The following HERC1 variants were observed in gnomAD, a reference collection of about 807,000 sequenced individuals.
HERC1 encodes probable E3 ubiquitin-protein ligase HERC1.
In HERC1, 160 loss-of-function variants were observed where a neutral mutation model predicts 554.3. The observed-to-expected ratio is 0.29, with a 90% confidence interval of 0.25 to 0.33. HERC1 has a LOEUF of 0.33. Among genes scored for constraint, HERC1 ranks in the 10% least tolerant of loss-of-function variants. HERC1 has a pLI of 1.00. For synonymous variants in HERC1, 2,175 were observed against 2,131.7 expected (o/e 1.02, Z -0.56); for missense variants, 4,919 against 5,918.5 (o/e 0.83, Z 5.54).
chr15:63,812,521 G>C (rs1234399201), intron 1 of HERC1, among the ~76,000 whole-genome samples: 1 of 152,082 alleles, frequency 6.6e-6, no homozygotes, highest in Non-Finnish European at 1.5e-5. Context: ...AAAGGAAATG[G>C]GAAGTTTCTC....
At chr15:63,616,256 T>TATC (rs1309597965) in intron 75 of HERC1, among the ~76,000 whole-genome samples, 174 bp downstream of exon 75, 1 of 110,864 alleles carries the variant, frequency 9.0e-6, no homozygotes, top group Admixed American at 8.8e-5. Context: ...CCTGCTCTAT[T>TATC]AGAAGCTGTT....
intron 17 of HERC1, among the ~76,000 whole-genome samples, chr15:63,726,498 AG>A (rs1342423324): frequency 6.6e-6 from 1 of 152,248 alleles, no homozygotes; most frequent in Non-Finnish European, 1.5e-5. Flanking sequence ...TTCAAAAAAT[AG>A]GAATAAACAG....
At chr15:63,679,114 G>A (rs1483180610) in intron 36 of HERC1, among the ~76,000 whole-genome samples, 2 of 152,130 alleles carry the variant, frequency 1.3e-5, no homozygotes, top group Non-Finnish European at 2.9e-5. Flanking sequence ...CATAGTCTAA[G>A]TCTGAATGAA....
chr15:63,717,490 T>A (rs950925537), intron 21 of HERC1, among the ~76,000 whole-genome samples: 1 of 152,242 alleles, frequency 6.6e-6, no homozygotes, highest in Non-Finnish European at 1.5e-5. Context: ...ACGATCATGT[T>A]ATCAAGATTA....
intron 1 of HERC1, among the ~76,000 whole-genome samples, chr15:63,820,408 G>C (rs2077646564): frequency 6.6e-6 from 1 of 152,076 alleles, no homozygotes; most frequent in South Asian, 2.1e-4. Context: ...TCATAAAAAA[G>C]ATAACGGCCC....
chr15:63,735,246 G>A (rs900116769), intron 12 of HERC1, among the ~76,000 whole-genome samples: 5 of 152,018 alleles, frequency 3.3e-5, no homozygotes, highest in African/African-American at 1.2e-4. Context: ...AAGTAAAAGG[G>A]TGCAGGAACT....
rs1220043639 is a variant in HERC1 at position 63,829,561 on chromosome 15, G to GTGTGTGTATATA, written c.-27+4265_-27+4266insTATATACACACA. On this transcript the variant is annotated intron_variant, in intron 1 of 77. Coordinates refer to ENST00000443617, the MANE Select transcript of HERC1 (RefSeq NM_003922.4). The stretch of plus-strand genomic sequence containing the variant: ...TATATGTATGTGTGTGTGTGTGTGT[G>GTGTGTGTATATA]TATATATATATATATATATATATAT... 2.4e-3 allele frequency among the ~76,000 whole-genome samples: 193 copies of GTGTGTGTATATA among 81,682 alleles called. 2 individuals are homozygous for GTGTGTGTATATA. The highest frequency in any genetic ancestry group is 8.8e-3 in the East Asian group (33 of 3,746). The allele number at this position is 81,682 out of a possible 152,430, so 53.6% of individuals were successfully genotyped here. A position where few individuals can be genotyped will look rare whatever the true frequency, so the allele number is the denominator to read the frequency against.
In HERC1 at chr15:63,674,924, A is replaced by T; in HGVS notation, c.7264T>A (p.Ser2422Thr). ...KRHEKKHRHE[S>T]EEKGDVEQKP... Reference sequence around the variant, plus strand: ...TGCTCAACATCCCCTTTCTCCTCGGATTCATGTCGGTGTTTCTTTTCATGT... The same window carrying T: ...TGCTCAACATCCCCTTTCTCCTCGGTTTCATGTCGGTGTTTCTTTTCATGT... The change falls in exon 38 of 78, where the codon TCC becomes ACC. Residue 2422 changes from serine to threonine, a missense_variant. Coordinates refer to ENST00000443617, the MANE Select transcript of HERC1 (RefSeq NM_003922.4). The T allele has an allele frequency of 6.2e-7, 1 of 1,613,946 alleles. No individual in the cohort carries two copies. Among genetic ancestry groups the T allele is most frequent in the Non-Finnish European group, 8.5e-7 (1 of 1,179,890 alleles).
In HERC1 at chr15:63,659,793, C is replaced by T. The variant is rs1198259006; in HGVS notation, c.9367G>A (p.Ala3123Thr). ...GTGGCTGTGACCATTGCTACTGATGCTCCCAGTGGATCGCTGTCAGGGAAC... is the reference window on the plus strand; with the variant it reads ...GTGGCTGTGACCATTGCTACTGATGTTCCCAGTGGATCGCTGTCAGGGAAC... ...VQFPDSDPLG[A>T]SVAMVTATNS... is the part of the protein sequence containing the mutation. The change falls in exon 47 of 78, where the codon GCA becomes ACA. Residue 3123 changes from alanine to threonine, a missense_variant. Around this residue, in one of 11 missense-constraint regions of HERC1, gnomAD observed 1,963 missense variants for 2,228.6 expected, o/e 0.88. Transcript: ENST00000443617. 2.5e-6 allele frequency: 4 copies of T among 1,613,792 alleles called. No homozygotes were observed. The highest frequency in any genetic ancestry group is 3.3e-5 in the Admixed American group (2 of 59,998).
At position 63,656,251 on chromosome 15, in the gene HERC1, G is replaced by A; in HGVS notation, c.9707C>T (p.Ser3236Phe). 6.2e-7 allele frequency: 1 copy of A among 1,613,870 alleles called. No individual in the cohort carries two copies. Among genetic ancestry groups the A allele is most frequent in the Non-Finnish European group, 8.5e-7 (1 of 1,179,818 alleles). ...CLAAAGRAGL[S>F]TSPSAMASTS... Reference sequence around the variant, plus strand: ...GCTAGCCATGGCAGAAGGGCTGGTGGAGAGGCCAGCTCTCCCTGCTGCTGC... The same window carrying A: ...GCTAGCCATGGCAGAAGGGCTGGTGAAGAGGCCAGCTCTCCCTGCTGCTGC... The change falls in exon 49 of 78, where the codon TCC (serine) becomes TTC (phenylalanine). Residue 3236 changes from serine to phenylalanine, a missense_variant. By Grantham distance (155) the Ser-to-Phe change is radical. Transcript: ENST00000443617.
At chr15:63,723,009 T>A (rs1239441362) in intron 19 of HERC1, among the ~76,000 whole-genome samples, 173 bp downstream of exon 19, 1 of 152,172 alleles carries the variant, frequency 6.6e-6, no homozygotes, top group Admixed American at 6.5e-5. Context: ...TAAAAAATAG[T>A]TACACTATTT....
chr15:63,737,516 G>T (rs1447356704), intron 12 of HERC1, among the ~76,000 whole-genome samples: 3 of 46,440 alleles, frequency 6.5e-5, no homozygotes, highest in East Asian at 1.4e-3. Flanking sequence ...CTTTTTTCCA[G>T]ATATATATAT....
intron 1 of HERC1, among the ~76,000 whole-genome samples, chr15:63,782,903 T>G (rs74320127): frequency 0.048 from 7,313 of 152,188 alleles, 229 homozygotes; most frequent in African/African-American, 0.059. Context: ...GTGGTGGAAA[T>G]AGCAAGAGAA....
chr15:63,609,270 T>G lies in HERC1; in HGVS notation c.14401-4A>C, dbSNP rs2067486122. Reference sequence around the variant, plus strand: ...AGGTAGGCAGACTGTCGTAAGGCTGTGGAGAGAGACCCAGAGCCGTGACTG... The same window carrying G: ...AGGTAGGCAGACTGTCGTAAGGCTGGGGAGAGAGACCCAGAGCCGTGACTG... On this transcript the variant is annotated splice_polypyrimidine_tract_variant and splice_region_variant and intron_variant, in intron 77 of 77. Coordinates refer to ENST00000443617, the MANE Select transcript of HERC1 (RefSeq NM_003922.4). 1.2e-6 allele frequency: 2 copies of G among 1,603,432 alleles called. No homozygotes were observed. Among genetic ancestry groups the G allele is most frequent in the Admixed American group, 1.7e-5 (1 of 59,148 alleles).
At chr15:63,687,049 G>A (rs1445528907) in intron 33 of HERC1, among the ~76,000 whole-genome samples, 1 of 152,102 alleles carries the variant, frequency 6.6e-6, no homozygotes, top group African/African-American at 2.4e-5. Flanking sequence ...AAGAGAAGAA[G>A]AAATCAAATC....
chr15:63,695,076 C>T lies in HERC1; in HGVS notation c.5122-182G>A, dbSNP rs1034506317. On this transcript the variant is annotated intron_variant, in intron 27 of 77. Coordinates refer to ENST00000443617, the MANE Select transcript of HERC1 (RefSeq NM_003922.4). ...TTTGAGGCAGGGTCTTGCTGTATCA[C>T]CCATGCTGGGGTGCAGTGGTGCAAT... is the stretch of plus-strand genomic sequence containing the variant. Among the ~76,000 whole-genome samples, 21 of 152,014 alleles carry T rather than the reference C, an allele frequency of 1.4e-4. 3 individuals are homozygous for T. Among genetic ancestry groups the T allele is most frequent in the Admixed American group, 1.2e-3 (18 of 15,258 alleles).
intron 1 of HERC1, among the ~76,000 whole-genome samples, chr15:63,796,447 C>G (rs2076815330): frequency 6.6e-6 from 1 of 152,214 alleles, no homozygotes; most frequent in African/African-American, 2.4e-5. Flanking sequence ...AAATTTGACA[C>G]AGTTAAGTCC....
intron 1 of HERC1, among the ~76,000 whole-genome samples, chr15:63,804,865 TG>T (rs2077093154): frequency 6.6e-6 from 1 of 152,070 alleles, no homozygotes; most frequent in Admixed American, 6.5e-5. Flanking sequence ...AGTAGGGAAA[TG>T]GAAATTGAAA....
intron 41 of HERC1, 38 bp from the exon 42 acceptor site, chr15:63,666,188 C>T: frequency 6.5e-7 from 1 of 1,538,852 alleles, no homozygotes; most frequent in African/African-American, 1.4e-5. Context: ...TGACTTTGGG[C>T]AAAGAATTAG....
Sources: allele counts gnomAD v4.1 joint callset (sites outside exome capture counted in the v4.1 genomes callset), GRCh38; gene constraint gnomAD v4.1.1; regional missense constraint gnomAD v4.1.1; transcripts MANE v1.5; gene names NCBI Gene and HGNC (gene_info 2026-07-23, HGNC 2026-07-21).